Variants in PTPRQ observed in about 807,000 individuals in gnomAD.
The protein encoded by PTPRQ is phosphatidylinositol phosphatase PTPRQ.
A neutral mutation model predicts 246.0 loss-of-function variants in PTPRQ; 199 were observed. The ratio of observed to expected loss-of-function variants is 0.81; its 90% CI spans 0.72 to 0.91. The LOEUF is 0.91. Ranked by LOEUF, PTPRQ falls within the 40% of genes least tolerant of loss-of-function variation. The probability of loss-of-function intolerance (pLI) is 0.00; values close to 1 mark genes in which losing one functional copy is unlikely to be tolerated. For missense variants in PTPRQ, 2,624 were observed against 2,528.4 expected (o/e 1.04, Z -0.81); for synonymous variants, 869 against 853.2 (o/e 1.02, Z -0.32).
intron 14 of PTPRQ, among the ~76,000 whole-genome samples, chr12:80,500,419 G>C (rs1894762462): frequency 6.6e-6 from 1 of 151,836 alleles, no homozygotes; most frequent in East Asian, 1.9e-4. Flanking sequence ...TATTCCCTAA[G>C]GGTAAATGAA....
Position 80,444,820 on chromosome 12 carries a change from T to C in PTPRQ, c.134T>C (p.Val45Ala). Reference protein sequence around the residue: ...SSISTTYTSPVTRIVTTNVTK... With the variant: ...SSISTTYTSPATRIVTTNVTK... ...ATTTCTACAACATACACCTCACCTGTTACTAGAATAGTGACAACAAATGTA... is the reference window on the plus strand; with the variant it reads ...ATTTCTACAACATACACCTCACCTGCTACTAGAATAGTGACAACAAATGTA... The change falls in exon 2 of 45, where the codon GTT becomes GCT. Residue 45 changes from valine to alanine, a missense_variant. Val to Ala is a moderately conservative substitution (Grantham distance 64, BLOSUM62 0). Coordinates refer to ENST00000644991, the MANE Select transcript of PTPRQ (RefSeq NM_001145026.2). 4.6e-6 allele frequency: 7 copies of C among 1,535,546 alleles called. No individual in the cohort carries two copies. Among genetic ancestry groups the C allele is most frequent in the Non-Finnish European group, 6.2e-6 (7 of 1,136,630 alleles).
chr12:80,539,222 C>T (rs2120828966), intron 19 of PTPRQ, among the ~76,000 whole-genome samples: 2 of 152,096 alleles, frequency 1.3e-5, no homozygotes, highest in African/African-American at 4.8e-5. Flanking sequence ...TCAGAGAGTA[C>T]ATCAGTCTGC....
chr12:80,662,098 T>A (rs562803112), intron 39 of PTPRQ, among the ~76,000 whole-genome samples: 1 of 152,040 alleles, frequency 6.6e-6, no homozygotes, highest in East Asian at 1.9e-4. Context: ...TTCACTAAAC[T>A]TAATGCTAGA....
At chr12:80,563,941 A>ATCTCAT (rs1312872961) in intron 25 of PTPRQ, among the ~76,000 whole-genome samples, 9 of 151,882 alleles carry the variant, frequency 5.9e-5, no homozygotes, top group Non-Finnish European at 1.3e-4. Flanking sequence ...GGAAAGAATG[A>ATCTCAT]GATCATAGTT....
chr12:80,596,531 C>T (rs1897975502), intron 26 of PTPRQ, among the ~76,000 whole-genome samples: 1 of 151,900 alleles, frequency 6.6e-6, no homozygotes, highest in African/African-American at 2.4e-5. Context: ...TTTTAAACTT[C>T]AAATGAATTC....
At chr12:80,653,880 G>C (rs1900336499) in intron 38 of PTPRQ, among the ~76,000 whole-genome samples, 1 of 152,090 alleles carries the variant, frequency 6.6e-6, no homozygotes, top group Non-Finnish European at 1.5e-5. Context: ...AAGTAGAATA[G>C]GATGAAAATA....
At chr12:80,583,790 T>C (rs1490387856) in intron 25 of PTPRQ, 1 of 152,216 alleles carries the variant, frequency 6.6e-6, no homozygotes, top group Non-Finnish European at 1.5e-5. Context: ...TGAAGTCAAC[T>C]TGTCAGTCAA....
chr12:80,564,111 C>CT (rs1348026586), intron 25 of PTPRQ, among the ~76,000 whole-genome samples: 2 of 151,682 alleles, frequency 1.3e-5, no homozygotes, highest in Non-Finnish European at 2.9e-5. Context: ...TATTAATATA[C>CT]TTTAAGTTTT....
At chr12:80,524,825 A>G (rs1188029272) in intron 17 of PTPRQ, among the ~76,000 whole-genome samples, 1 of 152,192 alleles carries the variant, frequency 6.6e-6, no homozygotes, top group Non-Finnish European at 1.5e-5. Flanking sequence ...GGATGACAGA[A>G]TAAGAATTCA....
chr12:80,676,627 G>A (rs1370109070), intron 43 of PTPRQ, among the ~76,000 whole-genome samples: 1 of 152,122 alleles, frequency 6.6e-6, no homozygotes, highest in Non-Finnish European at 1.5e-5. Flanking sequence ...GGGCGACAGA[G>A]CGAGACTCTG....
intron 17 of PTPRQ, among the ~76,000 whole-genome samples, chr12:80,515,480 G>A (rs1162946168): frequency 6.6e-6 from 1 of 151,608 alleles, no homozygotes; most frequent in Non-Finnish European, 1.5e-5. Context: ...GAGAGCAATG[G>A]CGCCATCTTG....
intron 9 of PTPRQ, among the ~76,000 whole-genome samples, chr12:80,486,502 C>G (rs1894280957): frequency 6.6e-6 from 1 of 152,162 alleles, no homozygotes; most frequent in South Asian, 2.1e-4. Context: ...TGGCCTGACT[C>G]TGCCGTGTTC....
chr12:80,447,224 T>C (rs1892581619), intron 3 of PTPRQ, among the ~76,000 whole-genome samples: 1 of 152,074 alleles, frequency 6.6e-6, no homozygotes, highest in Admixed American at 6.6e-5. Context: ...TGTCTGTTTA[T>C]GTTTTTTGTC....
chr12:80,604,562 C>G (rs909539309), intron 26 of PTPRQ, among the ~76,000 whole-genome samples: 1 of 151,470 alleles, frequency 6.6e-6, no homozygotes, highest in African/African-American at 2.4e-5. Context: ...ATTTCATATT[C>G]TCCACCCTCA....
intron 33 of PTPRQ, among the ~76,000 whole-genome samples, chr12:80,623,632 A>G (rs1193119299): frequency 7.2e-5 from 11 of 152,170 alleles, no homozygotes. Flanking sequence ...TAAAAGACCT[A>G]GACAAGATAG....
chr12:80,549,703 C>A lies in PTPRQ; in HGVS notation c.4254C>A (p.Ser1418Arg), dbSNP rs916172877. 8.7e-5 allele frequency: 135 copies of A among 1,550,486 alleles called. No individual in the cohort carries two copies. The highest frequency in any genetic ancestry group is 1.1e-4 in the Non-Finnish European group (129 of 1,146,326). ...CCTCAGCTGGTGAAGGTGATGAAAG[C>A]ACATGCCATGTCAGCACACTACCTG... ...ASTSAGEGDE[S>R]TCHVSTLPET... Residue 1418 changes from serine (S) to arginine (R), a missense_variant, in exon 25 of 45, where the codon AGC becomes AGA. By Grantham distance (110) the Ser-to-Arg change is moderately radical (BLOSUM62 -1). Transcript: ENST00000644991.
At chr12:80,541,160 TACA>T (rs1896139175) in intron 20 of PTPRQ, among the ~76,000 whole-genome samples, 1 of 152,068 alleles carries the variant, frequency 6.6e-6, no homozygotes, top group South Asian at 2.1e-4. Flanking sequence ...TCCTCATATG[TACA>T]ACAAGGGTAA....
At chr12:80,466,021 G>T (rs1432676656) in intron 6 of PTPRQ, among the ~76,000 whole-genome samples, 1 of 152,166 alleles carries the variant, frequency 6.6e-6, no homozygotes, top group East Asian at 1.9e-4. Flanking sequence ...TTAGGCAGGA[G>T]AAGGAAGTAA....
At chr12:80,549,948 AAAAG>A (rs1431565196) in intron 25 of PTPRQ, among the ~76,000 whole-genome samples, 7 of 152,102 alleles carry the variant, frequency 4.6e-5, no homozygotes, top group Non-Finnish European at 8.8e-5. Context: ...AGGGAGGAAA[AAAAG>A]AGAGATGATC....
Sources: allele counts gnomAD v4.1 joint callset (sites outside exome capture counted in the v4.1 genomes callset), GRCh38; gene constraint gnomAD v4.1.1; transcripts MANE v1.5; gene names NCBI Gene and HGNC (gene_info 2026-07-23, HGNC 2026-07-21).